CDC14A: variants seen among roughly 807,000 people sequenced by gnomAD.
CDC14A encodes cell division cycle 14A.
Under a neutral mutation model 74.4 loss-of-function variants are expected in CDC14A, and 53 were observed. The observed-to-expected ratio is 0.71, with a 90% CI of 0.57 to 0.89. The LOEUF is 0.89. Among genes scored for constraint, CDC14A ranks in the 40% least tolerant of loss-of-function variants. The probability of loss-of-function intolerance (pLI) is 0.00; values close to 1 mark genes in which losing one functional copy is unlikely to be tolerated. For synonymous variants in CDC14A, 247 were observed against 258.4 expected (o/e 0.96, Z 0.43); for missense variants, 646 against 713.7 (o/e 0.91, Z 1.08).
rs1557777647 is a variant in CDC14A, at chr1:100,455,491, T to C, written c.606T>C (p.Asn202=). ...CACATCCTAAAAGCAAAATTGAGAA[T>C]GGTAGGTTTTTTTTTCCTTTACCAT... ...SGPHPKSKIE[N]GYPLHAPEAY... Residue 202 remains asparagine, a splice_region_variant and synonymous_variant, in exon 8 of 16, where the codon AAT becomes AAC. Transcript: ENST00000336454. 1 of 1,567,006 alleles carries C rather than the reference T, an allele frequency of 6.4e-7. No individual in the cohort carries two copies. Among genetic ancestry groups the C allele is most frequent in the East Asian group, 2.3e-5 (1 of 44,148 alleles).
chr1:100,434,322 G>T (rs1347355295), intron 5 of CDC14A, among the ~76,000 whole-genome samples: 2 of 152,156 alleles, frequency 1.3e-5, no homozygotes, highest in African/African-American at 2.4e-5. Flanking sequence ...TTGCAGATGT[G>T]CAGGTTCTGT....
chr1:100,381,980 G>T (rs1426992845), intron 3 of CDC14A, among the ~76,000 whole-genome samples: 1 of 151,936 alleles, frequency 6.6e-6, no homozygotes, highest in African/African-American at 2.4e-5. Flanking sequence ...GCCTTGAGCT[G>T]GAATTATTAT....
intron 6 of CDC14A, among the ~76,000 whole-genome samples, chr1:100,440,964 G>A (rs1160597459): frequency 6.6e-6 from 1 of 152,050 alleles, no homozygotes; most frequent in African/African-American, 2.4e-5. Context: ...TATTACCAAG[G>A]TGCATTTCCA....
chr1:100,426,468 T>A (rs1248404676), intron 5 of CDC14A, among the ~76,000 whole-genome samples: 1 of 152,170 alleles, frequency 6.6e-6, no homozygotes, highest in Non-Finnish European at 1.5e-5. Context: ...AGTAAGATAA[T>A]TAATACTACT....
chr1:100,425,310 G>A (rs1328782981), intron 5 of CDC14A, among the ~76,000 whole-genome samples: 1 of 152,020 alleles, frequency 6.6e-6, no homozygotes, highest in African/African-American at 2.4e-5. Flanking sequence ...CATGTGTATT[G>A]CTTATTGCTT....
At chr1:100,433,603 G>A (rs1034551744) in intron 5 of CDC14A, among the ~76,000 whole-genome samples, 2 of 151,988 alleles carry the variant, frequency 1.3e-5, no homozygotes, top group African/African-American at 4.8e-5. Context: ...ATTTTTTAAT[G>A]TAGTCTCCAC....
intron 6 of CDC14A, among the ~76,000 whole-genome samples, chr1:100,441,292 T>G (rs1014909562): frequency 2.0e-5 from 3 of 152,178 alleles, no homozygotes; most frequent in South Asian, 2.1e-4. Context: ...CAAATGAGAT[T>G]TTGGAGGATC....
rs774230665 is a variant in CDC14A, at chr1:100,518,237, C to T, written c.1756-14C>T. 1.9e-6 allele frequency: 3 copies of T among 1,602,804 alleles called. No homozygotes were observed. Among genetic ancestry groups the T allele is most frequent in the South Asian group, 2.2e-5 (2 of 89,994 alleles). ...GATGGAATTTAACCTCAGTTTATGTCTCTCCCTGCACAGTCCCTTCAGTCT... is the reference window on the plus strand; with the variant it reads ...GATGGAATTTAACCTCAGTTTATGTTTCTCCCTGCACAGTCCCTTCAGTCT... On this transcript the variant is annotated splice_polypyrimidine_tract_variant and intron_variant, in intron 15 of 15. Transcript: ENST00000336454.
chr1:100,358,880 T>C (rs930841807), intron 2 of CDC14A, among the ~76,000 whole-genome samples: 2 of 152,178 alleles, frequency 1.3e-5, no homozygotes, highest in African/African-American at 4.8e-5. Context: ...TGGGAATGCA[T>C]ATTTAGGTTA....
In CDC14A at chr1:100,352,837, C is replaced by G. The variant is rs560738740; in HGVS notation, c.-118C>G. The G allele has an allele frequency of 8.1e-5, 123 of 1,526,452 alleles. No individual in the cohort carries two copies. The African/African-American group carries it at 1.6e-3, about 20-fold the overall frequency. The allele number at this position is 1,526,452 out of a possible 1,614,324, so 94.6% of individuals were successfully genotyped here. On this transcript the variant is annotated 5_prime_UTR_variant, in exon 1 of 16. Transcript: ENST00000336454. Reference sequence around the variant, plus strand: ...CTTCGGCGCCTGCTGCCTCCCTCGGCCAGGCTTGTTGTTCGGGACTGTGAG... The same window carrying G: ...CTTCGGCGCCTGCTGCCTCCCTCGGGCAGGCTTGTTGTTCGGGACTGTGAG...
intron 7 of CDC14A, among the ~76,000 whole-genome samples, chr1:100,451,850 A>G (rs570655814): frequency 6.6e-6 from 1 of 152,356 alleles, no homozygotes; most frequent in South Asian, 2.1e-4. Flanking sequence ...TGGTATCCAC[A>G]TATTTGCTGC....
intron 15 of CDC14A, among the ~76,000 whole-genome samples, chr1:100,511,126 C>A (rs1177787567): frequency 6.6e-6 from 1 of 152,146 alleles, no homozygotes; most frequent in Admixed American, 6.5e-5. Flanking sequence ...TTGCCCTAAC[C>A]ACTTCCTTCT....
intron 15 of CDC14A, among the ~76,000 whole-genome samples, chr1:100,501,799 A>C (rs1383750113): frequency 1.3e-5 from 2 of 152,180 alleles, no homozygotes; most frequent in Non-Finnish European, 2.9e-5. Flanking sequence ...GTGGAGGTGG[A>C]AGACAGTGAT....
At chr1:100,351,643 C>A, upstream of CDC14A, 1 of 1,028,058 alleles carries the variant, frequency 9.7e-7, no homozygotes, top group Non-Finnish European at 1.5e-6. Flanking sequence ...CCCGCCCAGG[C>A]TGGCTCAGCG....
chr1:100,456,649 A>AG (rs1666727222), intron 8 of CDC14A, among the ~76,000 whole-genome samples: 1 of 152,206 alleles, frequency 6.6e-6, no homozygotes, highest in Non-Finnish European at 1.5e-5. Flanking sequence ...TTAAAAAAAA[A>AG]AAAAGATTTA....
intron 15 of CDC14A, among the ~76,000 whole-genome samples, chr1:100,501,306 C>G (rs1278919091): frequency 2.0e-5 from 3 of 152,166 alleles, no homozygotes; most frequent in African/African-American, 7.2e-5. Context: ...GCAGATCTTT[C>G]CATTTTCAGA....
intron 7 of CDC14A, among the ~76,000 whole-genome samples, chr1:100,447,947 TG>T (rs1665736116): frequency 6.6e-6 from 1 of 152,232 alleles, no homozygotes; most frequent in African/African-American, 2.4e-5. Flanking sequence ...GTCTCTAGTT[TG>T]TTATTTTGCT....
intron 2 of CDC14A, among the ~76,000 whole-genome samples, chr1:100,367,617 T>A (rs1653821088): frequency 1.3e-5 from 2 of 152,226 alleles, no homozygotes; most frequent in African/African-American, 4.8e-5. Context: ...TAAGATAAGA[T>A]AGAGCTTGTT....
At chr1:100,457,769 T>A (rs1282545067) in intron 8 of CDC14A, among the ~76,000 whole-genome samples, 2 of 152,036 alleles carry the variant, frequency 1.3e-5, no homozygotes, top group African/African-American at 4.8e-5. Flanking sequence ...AGCCTGTTAA[T>A]TTATTTTTGG....
Sources: allele counts gnomAD v4.1 joint callset (sites outside exome capture counted in the v4.1 genomes callset), GRCh38; gene constraint gnomAD v4.1.1; transcripts MANE v1.5; gene names NCBI Gene and HGNC (gene_info 2026-07-23, HGNC 2026-07-21).